The following LHX4 variants were observed in gnomAD, a reference collection of about 807,000 sequenced individuals.
LHX4 encodes the protein LIM homeobox 4, also known as LIM/homeobox protein Lhx4.
LHX4 carries 16 observed loss-of-function variants against 39.2 expected under a neutral mutation model. The ratio of observed to expected loss-of-function variants is 0.41; its 90% CI spans 0.28 to 0.62. The LOEUF is 0.62. LHX4 is among the 20% of genes least tolerant of loss of function. The pLI is 0.33. For missense variants in LHX4, 439 were observed against 511.9 expected, an observed-to-expected ratio of 0.86 and a Z score of 1.37; for synonymous variants, 206 against 198.1, an observed-to-expected ratio of 1.04 and a Z score of -0.33.
chr1:180,240,908 C>T (rs1329617312), intron 1 of LHX4, among the ~76,000 whole-genome samples: 3 of 152,152 alleles, frequency 2.0e-5, no homozygotes, highest in Admixed American at 1.3e-4. Context: ...CTGGCTATCA[C>T]GTTGTGAGTT....
intron 2 of LHX4, among the ~76,000 whole-genome samples, chr1:180,256,017 C>T (rs1292576436): frequency 6.6e-6 from 1 of 152,242 alleles, no homozygotes; most frequent in African/African-American, 2.4e-5. Flanking sequence ...CCTGCCTTCC[C>T]TCCGTTGCTG....
chr1:180,267,508 C>T (rs1012529371), intron 3 of LHX4, among the ~76,000 whole-genome samples: 2 of 152,258 alleles, frequency 1.3e-5, no homozygotes, highest in African/African-American at 4.8e-5. Context: ...GCAGCCCTAC[C>T]TCTGGCTTCT....
Position 180,277,154 on chromosome 1 carries a change from G to C in LHX4, c.*2575G>C, listed in dbSNP as rs1020393191. On this transcript the variant is annotated 3_prime_UTR_variant, in exon 6 of 6. Coordinates refer to ENST00000263726, the MANE Select transcript of LHX4 (RefSeq NM_033343.4). Reference sequence around the variant, plus strand: ...CTGCCTGTTTAGAAGCACAGCCACAGTAGGTCTAAGATTTTAAATGGATCT... The same window carrying C: ...CTGCCTGTTTAGAAGCACAGCCACACTAGGTCTAAGATTTTAAATGGATCT... 3 of 152,202 alleles carry C rather than the reference G, an allele frequency of 2.0e-5. No individual in the cohort carries two copies. The highest frequency in any genetic ancestry group is 4.4e-5 in the Non-Finnish European group (3 of 68,038). 9.4% of individuals were successfully genotyped at this position (152,202 alleles called of 1,614,324 possible). A position where few individuals can be genotyped will look rare whatever the true frequency, so the allele number is the denominator to read the frequency against.
At chr1:180,238,804 A>T (rs1664385419) in intron 1 of LHX4, among the ~76,000 whole-genome samples, 1 of 152,256 alleles carries the variant, frequency 6.6e-6, no homozygotes, top group African/African-American at 2.4e-5. Flanking sequence ...GGTTCAACAA[A>T]AATGAATGTT....
intron 3 of LHX4, chr1:180,270,493 C>T (rs940605569): frequency 3.9e-5 from 6 of 152,162 alleles, no homozygotes; most frequent in Admixed American, 2.6e-4. Context: ...CCTGTGCTTC[C>T]GAACACACGC....
chr1:180,229,028 CT>C (rs1203687704), upstream of LHX4, among the ~76,000 whole-genome samples: 2 of 152,220 alleles, frequency 1.3e-5, no homozygotes, highest in Admixed American at 6.5e-5. Context: ...CGTCGAGCGC[CT>C]GATGGAGCGT....
chr1:180,252,486 G>A (rs1352683680), intron 2 of LHX4, among the ~76,000 whole-genome samples: 1 of 152,186 alleles, frequency 6.6e-6, no homozygotes, highest in Admixed American at 6.5e-5. Flanking sequence ...GAAAAAGCAT[G>A]TCCTTTTCTG....
At chr1:180,244,234 G>T (rs144913542) in intron 1 of LHX4, among the ~76,000 whole-genome samples, 3 of 152,102 alleles carry the variant, frequency 2.0e-5, no homozygotes, top group Non-Finnish European at 4.4e-5. Flanking sequence ...TAATCCCCCC[G>T]TCAACATCTA....
intron 3 of LHX4, among the ~76,000 whole-genome samples, chr1:180,268,339 G>A (rs1648421766): frequency 6.6e-6 from 1 of 152,240 alleles, no homozygotes; most frequent in Admixed American, 6.5e-5. Context: ...TCCTGATGTT[G>A]TGGGTGGTTC....
intron 2 of LHX4, among the ~76,000 whole-genome samples, chr1:180,250,350 C>T (rs199829803): frequency 2.8e-4 from 13 of 46,426 alleles, no homozygotes; most frequent in Admixed American, 8.1e-4. Flanking sequence ...TGTGTGTGTG[C>T]GCGCGTGGGT....
At chr1:180,263,259 T>G (rs1456200170) in intron 2 of LHX4, among the ~76,000 whole-genome samples, 1 of 152,244 alleles carries the variant, frequency 6.6e-6, no homozygotes, top group African/African-American at 2.4e-5. Flanking sequence ...ATTCTAGGCA[T>G]GACCGTGTGT....
rs1041883023 is a variant in LHX4, at chr1:180,234,140, G to A, written c.76+3535G>A. 1.5e-5 allele frequency among the ~76,000 whole-genome samples: 2 copies of A among 136,976 alleles called. No homozygotes were observed. Among genetic ancestry groups the A allele is most frequent in the African/African-American group, 2.7e-5 (1 of 37,250 alleles). 89.9% of individuals were successfully genotyped at this position (136,976 alleles called of 152,430 possible). On this transcript the variant is annotated intron_variant, in intron 1 of 5. Coordinates refer to ENST00000263726, the MANE Select transcript of LHX4 (RefSeq NM_033343.4). The surrounding 1 kb of genome is among the most constrained non-coding windows in gnomAD (Gnocchi z 4.8). The stretch of plus-strand genomic sequence containing the variant: ...CCATTCCTGCCTTGTCTCCTAGTGC[G>A]AGAAACAGACACACACAACACACAC...
At chr1:180,269,510 T>C (rs1648499555) in intron 3 of LHX4, 1 of 152,248 alleles carries the variant, frequency 6.6e-6, no homozygotes, top group South Asian at 2.1e-4. Context: ...ATCCTGTGTG[T>C]GTAGCAGTGC....
chr1:180,248,955 A>C (rs1658680582), intron 2 of LHX4, among the ~76,000 whole-genome samples: 1 of 152,220 alleles, frequency 6.6e-6, no homozygotes, highest in Non-Finnish European at 1.5e-5. Flanking sequence ...TGCTTCTGGC[A>C]GGAGGCAAGC....
intron 1 of LHX4, among the ~76,000 whole-genome samples, chr1:180,236,965 GTTTTGCC>G (rs1192428040): frequency 6.6e-6 from 1 of 152,212 alleles, no homozygotes; most frequent in Non-Finnish European, 1.5e-5. Context: ...TTGTAACAAT[GTTTTGCC>G]TTTCTCCCTT....
intron 3 of LHX4, among the ~76,000 whole-genome samples, chr1:180,269,457 G>A (rs558061726): frequency 6.6e-6 from 1 of 152,300 alleles, no homozygotes; most frequent in East Asian, 1.9e-4. Context: ...AACAGTGAAT[G>A]TTAAAATAAC....
chr1:180,258,111 G>A (rs2149260216), intron 2 of LHX4, among the ~76,000 whole-genome samples: 2 of 152,372 alleles, frequency 1.3e-5, no homozygotes, highest in Admixed American at 1.3e-4. Flanking sequence ...AGACCCTGCT[G>A]TTGCAGAACT....
At chr1:180,268,515 C>G (rs1372687093) in intron 3 of LHX4, among the ~76,000 whole-genome samples, 3 of 152,238 alleles carry the variant, frequency 2.0e-5, no homozygotes, top group Non-Finnish European at 4.4e-5. Context: ...GGCATCCCCC[C>G]ACACAGGGAG....
At chr1:180,248,604 C>G in intron 2 of LHX4, 148 bp downstream of exon 2, 1 of 810,550 alleles carries the variant, frequency 1.2e-6, no homozygotes, top group South Asian at 1.5e-5. Flanking sequence ...GAGGATGCCC[C>G]TTGTTGAGGT....
Sources: allele counts gnomAD v4.1 joint callset (sites outside exome capture counted in the v4.1 genomes callset), GRCh38; gene constraint gnomAD v4.1.1; non-coding constraint Gnocchi (gnomAD v3.1); transcripts MANE v1.5; gene names NCBI Gene and HGNC (gene_info 2026-07-23, HGNC 2026-07-21).